Variants in IL1RAPL1 observed in about 807,000 individuals in gnomAD.
IL1RAPL1 encodes interleukin 1 receptor accessory protein like 1.
In IL1RAPL1, 3 loss-of-function variants were observed where a neutral mutation model predicts 48.4. The observed-to-expected ratio is 0.06, with a 90% CI of 0.03 to 0.16. The LOEUF is 0.16. IL1RAPL1 is among the 10% of genes least tolerant of loss of function. The pLI, the probability that IL1RAPL1 is intolerant of heterozygous loss-of-function variation, is 1.00. For missense variants in IL1RAPL1, 349 were observed against 530.6 expected (o/e 0.66, Z 3.36); for synonymous variants, 185 against 187.7 (o/e 0.99, Z 0.12).
At chrX:28,771,743 A>G (rs1936308405) in intron 1 of IL1RAPL1, among the ~76,000 whole-genome samples, 3 of 111,206 alleles carry the variant, frequency 2.7e-5, no homozygotes, top group South Asian at 3.7e-4. Flanking sequence ...TTATTTAAAA[A>G]TAGTCACATA....
chrX:28,942,502 A>G (rs1924187725), intron 2 of IL1RAPL1: 1 of 108,686 alleles, frequency 9.2e-6, no homozygotes, highest in Admixed American at 1.0e-4. Context: ...AAGTATCCCT[A>G]AATTGTTTCC....
intron 1 of IL1RAPL1, among the ~76,000 whole-genome samples, chrX:28,718,698 A>G (rs1235021205): frequency 1.8e-5 from 2 of 112,122 alleles, no homozygotes; most frequent in East Asian, 5.6e-4. Flanking sequence ...AATTTTACAA[A>G]TATTACAAAT....
intron 3 of IL1RAPL1, among the ~76,000 whole-genome samples, chrX:29,307,416 A>T (rs1021510221): frequency 8.9e-6 from 1 of 111,990 alleles, no homozygotes; most frequent in African/African-American, 3.2e-5. Context: ...GAAGATAATC[A>T]TGTAAAAACA....
At chrX:29,397,842 G>A (rs920408690) in intron 4 of IL1RAPL1, among the ~76,000 whole-genome samples, 1 of 111,566 alleles carries the variant, frequency 9.0e-6, no homozygotes, top group Non-Finnish European at 1.9e-5. Context: ...TATTTTAAGA[G>A]TTGTGTTTCT....
chrX:29,595,317 G>C (rs1317942050), intron 5 of IL1RAPL1, among the ~76,000 whole-genome samples: 1 of 112,162 alleles, frequency 8.9e-6, no homozygotes, highest in Non-Finnish European at 1.9e-5. Flanking sequence ...TGTCCACACA[G>C]TTTTCCATAG....
At chrX:29,836,607 A>C (rs950083396) in intron 6 of IL1RAPL1, among the ~76,000 whole-genome samples, 1 of 112,163 alleles carries the variant, frequency 8.9e-6, no homozygotes, top group African/African-American at 3.2e-5. Context: ...CAGGTTTCCA[A>C]AGTTCCTCCT....
chrX:29,077,618 A>AAAAG (rs1555960264), intron 2 of IL1RAPL1, among the ~76,000 whole-genome samples: 40 of 104,667 alleles, frequency 3.8e-4, no homozygotes, highest in Middle Eastern at 4.8e-3. Flanking sequence ...GAAAAAAAAA[A>AAAAG]AAAAGAAAAA....
chrX:29,241,517 C>G lies in IL1RAPL1; in HGVS notation c.83-41421C>G, dbSNP rs151278978. Among the ~76,000 whole-genome samples, 790 of 111,352 alleles carry G rather than the reference C, an allele frequency of 7.1e-3. 9 individuals carry two copies. The highest frequency in any genetic ancestry group is 0.025 in the African/African-American group (771 of 30,609). ...ATGGCCACCACATGCCTAACATCAT[C>G]TGTGGTGGCTCCTGGAAAAAAGAGG... On this transcript the variant is annotated intron_variant, in intron 2 of 10. Transcript: ENST00000378993.
At chrX:29,493,808 T>G (rs1416512492) in intron 5 of IL1RAPL1, among the ~76,000 whole-genome samples, 1 of 111,208 alleles carries the variant, frequency 9.0e-6, no homozygotes, top group Non-Finnish European at 1.9e-5. Flanking sequence ...CTAGGTAGTT[T>G]TTCAGCCCTT....
At chrX:28,941,762 G>A (rs914452102) in intron 2 of IL1RAPL1, among the ~76,000 whole-genome samples, 4 of 110,838 alleles carry the variant, frequency 3.6e-5, no homozygotes, top group African/African-American at 9.8e-5. Context: ...ATAGATGTCC[G>A]TTTTATCTCT....
intron 2 of IL1RAPL1, chrX:28,942,388 G>A (rs1405953267): frequency 9.2e-6 from 1 of 109,177 alleles, no homozygotes; most frequent in Admixed American, 9.9e-5. Flanking sequence ...ACAATGTAAT[G>A]TTATATTACA....
At chrX:28,970,763 G>A (rs1286970204) in intron 2 of IL1RAPL1, among the ~76,000 whole-genome samples, 1 of 111,558 alleles carries the variant, frequency 9.0e-6, no homozygotes, top group Admixed American at 9.6e-5. Context: ...GGCCTGGTTA[G>A]TACTTGGATG....
intron 5 of IL1RAPL1, among the ~76,000 whole-genome samples, chrX:29,424,866 G>A (rs1176338778): frequency 9.0e-6 from 1 of 111,715 alleles, no homozygotes; most frequent in African/African-American, 3.3e-5. Context: ...ACTAATAAAT[G>A]GTGATGGTTA....
intron 6 of IL1RAPL1, among the ~76,000 whole-genome samples, chrX:29,690,605 A>G (rs1285448068): frequency 1.8e-5 from 2 of 112,120 alleles, no homozygotes; most frequent in African/African-American, 6.5e-5. Flanking sequence ...ATTTAAAAAA[A>G]AATTTACTAT....
chrX:29,908,124 A>AAACTT (rs1932679897), intron 6 of IL1RAPL1, among the ~76,000 whole-genome samples: 2 of 111,275 alleles, frequency 1.8e-5, no homozygotes, highest in East Asian at 2.8e-4. Context: ...CCAGATTTAC[A>AAACTT]AACTTACCCC....
intron 1 of IL1RAPL1, among the ~76,000 whole-genome samples, chrX:28,744,884 A>G (rs766612606): frequency 3.7e-4 from 41 of 111,550 alleles, no homozygotes; most frequent in African/African-American, 1.3e-3. Flanking sequence ...TATTAGGAAA[A>G]TAATTCTAGT....
chrX:28,994,831 T>A (rs1479641607), intron 2 of IL1RAPL1, among the ~76,000 whole-genome samples: 1 of 112,041 alleles, frequency 8.9e-6, no homozygotes, highest in Non-Finnish European at 1.9e-5. Context: ...TTAATTAAAA[T>A]ATTACTCTTA....
intron 6 of IL1RAPL1, among the ~76,000 whole-genome samples, chrX:29,699,032 T>G (rs184986888): frequency 5.3e-5 from 6 of 112,328 alleles, no homozygotes; most frequent in African/African-American, 1.6e-4. Context: ...TTATGTAGCA[T>G]AAGATTATGT....
chrX:28,861,722 A>G (rs1189999590), intron 2 of IL1RAPL1, among the ~76,000 whole-genome samples: 2 of 111,592 alleles, frequency 1.8e-5, no homozygotes, highest in African/African-American at 6.5e-5. Context: ...ATCTCTCCTC[A>G]CACATACCCT....
Sources: allele counts gnomAD v4.1 joint callset (sites outside exome capture counted in the v4.1 genomes callset), GRCh38; gene constraint gnomAD v4.1.1; transcripts MANE v1.5; gene names NCBI Gene and HGNC (gene_info 2026-07-23, HGNC 2026-07-21).